RPAP2: variants seen among roughly 807,000 people sequenced by gnomAD.
The protein encoded by RPAP2 is putative RNA polymerase II subunit B1 CTD phosphatase RPAP2.
RPAP2 carries 52 observed loss-of-function variants against 73.1 expected under a neutral mutation model. The ratio of observed to expected loss-of-function variants is 0.71; its 90% CI spans 0.57 to 0.90. RPAP2 has a LOEUF of 0.90. Among genes scored for constraint, RPAP2 ranks in the 40% least tolerant of loss-of-function variants. The pLI, the probability that RPAP2 is intolerant of heterozygous loss-of-function variation, is 0.00. For missense variants in RPAP2, 598 were observed against 701.8 expected (o/e 0.85, Z 1.67); for synonymous variants, 225 against 242.1 (o/e 0.93, Z 0.65).
intron 11 of RPAP2, among the ~76,000 whole-genome samples, chr1:92,360,463 C>A (rs1317841914): frequency 1.3e-5 from 2 of 152,046 alleles, no homozygotes; most frequent in South Asian, 2.1e-4. Flanking sequence ...AGTTTATAAT[C>A]CAATATGATA....
At position 92,389,979 on chromosome 1, in the gene RPAP2, TTA is replaced by T. The variant is rs1655990916; in HGVS notation, c.*2970_*2971del. The T allele has an allele frequency of 3.3e-5, 5 of 152,332 alleles. No homozygotes were observed. In the South Asian group the frequency reaches 1.0e-3, roughly 32 times the overall value. 9.4% of individuals were successfully genotyped at this position (152,332 alleles called of 1,614,324 possible). ...AAGTTTGAAAACACTCTTCAGGATA[TTA>T]TCCAGGAGAGCTTCCCCAACCTAGC... On this transcript the variant is annotated 3_prime_UTR_variant, in exon 13 of 13. Coordinates refer to ENST00000610020, the MANE Select transcript of RPAP2 (RefSeq NM_024813.3).
Position 92,393,537 on chromosome 1 carries a change from G to A in RPAP2, c.*6526G>A, listed in dbSNP as rs1344292727. 1 of 152,132 alleles carries A rather than the reference G, an allele frequency of 6.6e-6. No homozygotes were observed. The highest frequency in any genetic ancestry group is 1.5e-5 in the Non-Finnish European group (1 of 68,022). 9.4% of individuals were successfully genotyped at this position (152,132 alleles called of 1,614,324 possible). On this transcript the variant is annotated 3_prime_UTR_variant, in exon 13 of 13. Coordinates refer to ENST00000610020, the MANE Select transcript of RPAP2 (RefSeq NM_024813.3). ...AATAAACTATCATCAGAGTGAACAG[G>A]CAACCTACAGAATGGGAGAACATTT... is the stretch of plus-strand genomic sequence containing the variant.
At chr1:92,368,724 T>C (rs929569398) in intron 11 of RPAP2, among the ~76,000 whole-genome samples, 1 of 152,260 alleles carries the variant, frequency 6.6e-6, no homozygotes, top group Middle Eastern at 3.2e-3. Context: ...CCAGATGTTG[T>C]TTGATAGCTC....
At position 92,387,180 on chromosome 1, in the gene RPAP2, A is replaced by G. The variant is rs559483146; in HGVS notation, c.*169A>G. The G allele has an allele frequency of 2.2e-5, 11 of 510,516 alleles. No individual in the cohort carries two copies. The East Asian group carries it at 2.5e-4, about 12-fold the overall frequency. 31.6% of individuals were successfully genotyped at this position (510,516 alleles called of 1,614,324 possible). A position where few individuals can be genotyped will look rare whatever the true frequency, so the allele number is the denominator to read the frequency against. ...CCAGTCCTTCAGTCCCCAACTGCAG[A>G]GGATGACCTCCCCAGATAGAGGAGA... On this transcript the variant is annotated 3_prime_UTR_variant, in exon 13 of 13. Transcript: ENST00000610020.
chr1:92,346,495 C>T (rs904919067), intron 11 of RPAP2, among the ~76,000 whole-genome samples: 1 of 152,178 alleles, frequency 6.6e-6, no homozygotes, highest in African/African-American at 2.4e-5. Flanking sequence ...CAAATATCCT[C>T]ATGTGGAGTA....
At chr1:92,346,639 A>G (rs12125484) in intron 11 of RPAP2, among the ~76,000 whole-genome samples, 45,042 of 152,084 alleles carry the variant, frequency 0.3, 8,341 homozygotes, top group East Asian at 0.85. Flanking sequence ...TAGCACCAAA[A>G]AAGTTTTTCA....
At chr1:92,347,543 A>T (rs1653969281) in intron 11 of RPAP2, among the ~76,000 whole-genome samples, 1 of 152,230 alleles carries the variant, frequency 6.6e-6, no homozygotes, top group African/African-American at 2.4e-5. Context: ...CTTACTGAAG[A>T]CACATTAAGT....
chr1:92,320,752 C>A, intron 7 of RPAP2, 118 bp downstream of exon 7: 2 of 645,026 alleles, frequency 3.1e-6, no homozygotes, highest in South Asian at 2.6e-5. Flanking sequence ...GTAAGTGTCC[C>A]ATTCTAGCCC....
chr1:92,356,878 C>T (rs901159205), intron 11 of RPAP2, among the ~76,000 whole-genome samples: 1 of 151,812 alleles, frequency 6.6e-6, no homozygotes, highest in African/African-American at 2.4e-5. Context: ...ACCTGGCCAA[C>T]ATGGTTAAAG....
At chr1:92,314,421 A>G (rs1557594961) in intron 6 of RPAP2, among the ~76,000 whole-genome samples, 1 of 151,092 alleles carries the variant, frequency 6.6e-6, no homozygotes, top group Non-Finnish European at 1.5e-5. Flanking sequence ...CATTTTTAAC[A>G]TCTGTGCAAT....
At chr1:92,342,777 T>C (rs7528377) in intron 10 of RPAP2, among the ~76,000 whole-genome samples, 44,985 of 151,968 alleles carry the variant, frequency 0.3, 8,320 homozygotes, top group East Asian at 0.85. Flanking sequence ...GAGTCAAGTT[T>C]AACCATAAGA....
At chr1:92,354,823 G>A (rs1044831890) in intron 11 of RPAP2, among the ~76,000 whole-genome samples, 4 of 150,830 alleles carry the variant, frequency 2.7e-5, no homozygotes, top group African/African-American at 9.7e-5. Flanking sequence ...CATGCCTCTT[G>A]GTTTTTCAAA....
chr1:92,329,068 C>G (rs750594595), intron 8 of RPAP2, among the ~76,000 whole-genome samples: 11 of 152,202 alleles, frequency 7.2e-5, no homozygotes, highest in African/African-American at 9.6e-5. Context: ...CTGTGAGGGT[C>G]CTTAATTGTA....
At chr1:92,380,557 C>T (rs1241224741) in intron 11 of RPAP2, among the ~76,000 whole-genome samples, 167 bp from the exon 12 acceptor site, 3 of 152,148 alleles carry the variant, frequency 2.0e-5, no homozygotes. Context: ...CAGTCTTTTC[C>T]TGAGACTTCT....
intron 9 of RPAP2, among the ~76,000 whole-genome samples, chr1:92,334,919 C>T (rs1032658463): frequency 4.9e-4 from 75 of 152,166 alleles, no homozygotes; most frequent in African/African-American, 1.7e-3. Context: ...ACCCAGGAGG[C>T]GGAGCTTGCA....
chr1:92,315,711 ACCTCCATACTT>A (rs1467166026), intron 6 of RPAP2, among the ~76,000 whole-genome samples: 1 of 152,166 alleles, frequency 6.6e-6, no homozygotes, highest in East Asian at 1.9e-4. Flanking sequence ...CATAAATTCT[ACCTCCATACTT>A]TTATAAGGTT....
At chr1:92,366,481 T>G (rs982043557) in intron 11 of RPAP2, among the ~76,000 whole-genome samples, 1 of 152,144 alleles carries the variant, frequency 6.6e-6, no homozygotes, top group Admixed American at 6.6e-5. Context: ...AAACAAAAAC[T>G]CTTCAACAGG....
chr1:92,330,778 T>C (rs1365971947), intron 8 of RPAP2, among the ~76,000 whole-genome samples: 1 of 152,120 alleles, frequency 6.6e-6, no homozygotes, highest in Non-Finnish European at 1.5e-5. Flanking sequence ...TTAAAAACTT[T>C]TTGTTATGGA....
chr1:92,311,073 CTG>C (rs1472735244), intron 6 of RPAP2, among the ~76,000 whole-genome samples: 3 of 152,174 alleles, frequency 2.0e-5, no homozygotes, highest in African/African-American at 7.2e-5. Context: ...ATTTTCTACT[CTG>C]TTGCTTTTTT....
Sources: gnomAD v4.1 joint callset for allele counts (sites outside exome capture counted in the v4.1 genomes callset) on GRCh38, gnomAD v4.1.1 for gene constraint, MANE v1.5 for transcripts, NCBI Gene and HGNC (gene_info 2026-07-23, HGNC 2026-07-21) for gene names.